Variants in KDM4C observed in about 807,000 individuals in gnomAD.
KDM4C encodes lysine demethylase 4C, also known as lysine-specific demethylase 4C.
In KDM4C, 81 loss-of-function variants were observed where a neutral mutation model predicts 129.3. That is an observed-to-expected ratio of 0.63 (90% CI 0.52 to 0.75). KDM4C has a LOEUF of 0.75. Among genes scored for constraint, KDM4C ranks in the 30% least tolerant of loss-of-function variants. The pLI, the probability that KDM4C is intolerant of heterozygous loss-of-function variation, is 0.00. For synonymous variants in KDM4C, 573 were observed against 456.1 expected, an observed-to-expected ratio of 1.26 and a Z score of -3.26; for missense variants, 1,457 against 1,304.0, an observed-to-expected ratio of 1.12 and a Z score of -1.81.
intron 17 of KDM4C, among the ~76,000 whole-genome samples, chr9:7,058,428 G>T (rs1435030864): frequency 6.6e-6 from 1 of 152,188 alleles, no homozygotes; most frequent in Non-Finnish European, 1.5e-5. Flanking sequence ...TTCATTGGTT[G>T]AAATATTCTC....
intron 15 of KDM4C, among the ~76,000 whole-genome samples, chr9:7,026,679 C>T (rs1360041753): frequency 6.6e-6 from 1 of 152,070 alleles, no homozygotes; most frequent in Non-Finnish European, 1.5e-5. Context: ...CAACTTTCTA[C>T]CCTCATCTGT....
intron 8 of KDM4C, among the ~76,000 whole-genome samples, chr9:6,966,491 A>T (rs1441631268): frequency 6.6e-6 from 1 of 152,226 alleles, no homozygotes; most frequent in Non-Finnish European, 1.5e-5. Flanking sequence ...ACTTTTATGT[A>T]ACATTTTACT....
rs148438565 is a variant in KDM4C at position 6,834,896 on chromosome 9, A to G, written c.436-14611A>G. 8.4e-5 allele frequency: 106 copies of G among 1,258,396 alleles called. No individual in the cohort carries two copies. In the East Asian group the frequency reaches 2.4e-3, roughly 28 times the overall value. The allele number at this position is 1,258,396 out of a possible 1,614,324, so 78.0% of individuals were successfully genotyped here. The stretch of plus-strand genomic sequence containing the variant: ...GCTGTCCCTGTACTTCTTTGGCTGT[A>G]CCACTGGTACCGTGATGGACTCCGG... On this transcript the variant is annotated intron_variant, in intron 4 of 21. Transcript: ENST00000381309.
In KDM4C at chr9:6,839,066, A is replaced by G. The variant is rs115269363; in HGVS notation, c.436-10441A>G. Among the ~76,000 whole-genome samples the G allele has an allele frequency of 2.1e-3, 322 of 152,302 alleles. 3 individuals are homozygous for G. The highest frequency in any genetic ancestry group is 6.4e-3 in the African/African-American group (264 of 41,566). On this transcript the variant is annotated intron_variant, in intron 4 of 21. Transcript: ENST00000381309. ...AACTTCAAGGGCTTGTTCCAGCTGTATGAATTTGTGGCAGTATTTTACATT... is the reference window on the plus strand; with the variant it reads ...AACTTCAAGGGCTTGTTCCAGCTGTGTGAATTTGTGGCAGTATTTTACATT...
At chr9:6,956,321 A>G (rs1355245464) in intron 8 of KDM4C, among the ~76,000 whole-genome samples, 3 of 152,168 alleles carry the variant, frequency 2.0e-5, no homozygotes, top group African/African-American at 2.4e-5. Flanking sequence ...TGATGTGCTT[A>G]TTTCACATTG....
intron 20 of KDM4C, among the ~76,000 whole-genome samples, chr9:7,165,595 A>G (rs775853549): frequency 6.6e-6 from 1 of 152,238 alleles, no homozygotes; most frequent in South Asian, 2.1e-4. Flanking sequence ...TGTAAGGAAT[A>G]TGGTTCTGCC....
intron 3 of KDM4C, among the ~76,000 whole-genome samples, chr9:6,809,984 T>A (rs1830840983): frequency 6.6e-6 from 1 of 152,138 alleles, no homozygotes; most frequent in Non-Finnish European, 1.5e-5. Context: ...AGCGAGACCC[T>A]GTCTTGAAAA....
At chr9:6,849,460 G>A (rs1204242435) in intron 4 of KDM4C, 47 bp from the exon 5 acceptor site, 27 of 1,446,376 alleles carry the variant, frequency 1.9e-5, no homozygotes, top group Non-Finnish European at 2.3e-5. Context: ...ATCTTTCATG[G>A]TTTAGTAAGA....
chr9:7,005,064 T>C (rs986099272), intron 12 of KDM4C, among the ~76,000 whole-genome samples: 2 of 152,058 alleles, frequency 1.3e-5, no homozygotes, highest in Non-Finnish European at 2.9e-5. Context: ...TCAACACCAC[T>C]AGAAGGTAGT....
chr9:7,022,479 T>C (rs62534415), intron 15 of KDM4C, among the ~76,000 whole-genome samples: 24,547 of 152,072 alleles, frequency 0.16, 2,642 homozygotes, highest in South Asian at 0.4. Flanking sequence ...ATAGAAATGC[T>C]TCTGATTTTT....
chr9:6,833,711 G>A (rs1168040221), intron 4 of KDM4C, among the ~76,000 whole-genome samples: 2 of 152,192 alleles, frequency 1.3e-5, no homozygotes, highest in African/African-American at 2.4e-5. Flanking sequence ...CTGAATCAGT[G>A]TTAGCTGCTG....
At chr9:6,959,089 C>G (rs74468702) in intron 8 of KDM4C, among the ~76,000 whole-genome samples, 3,453 of 152,278 alleles carry the variant, frequency 0.023, 103 homozygotes, top group East Asian at 0.14. Context: ...TTTTCTCTTC[C>G]TTTTTCAGAG....
At chr9:7,009,710 G>A (rs2132121439) in intron 12 of KDM4C, among the ~76,000 whole-genome samples, 1 of 152,268 alleles carries the variant, frequency 6.6e-6, no homozygotes, top group South Asian at 2.1e-4. Context: ...TGACTATGTA[G>A]ATGCCATGCA....
intron 5 of KDM4C, among the ~76,000 whole-genome samples, chr9:6,853,034 T>C (rs2130213243): frequency 6.6e-6 from 1 of 152,128 alleles, no homozygotes; most frequent in Non-Finnish European, 1.5e-5. Flanking sequence ...GTTTTTTTTG[T>C]GTGTGTTTTT....
intron 17 of KDM4C, among the ~76,000 whole-genome samples, chr9:7,054,895 A>G (rs1260124915): frequency 2.6e-5 from 4 of 152,218 alleles, no homozygotes; most frequent in African/African-American, 7.2e-5. Flanking sequence ...TGTTGTATGA[A>G]TATTTAAATA....
intron 1 of KDM4C, among the ~76,000 whole-genome samples, chr9:6,760,457 A>G (rs1433533333): frequency 6.7e-6 from 1 of 150,248 alleles, no homozygotes; most frequent in African/African-American, 2.4e-5. Context: ...ATATATATAT[A>G]TATATATAAT....
chr9:6,940,044 T>A (rs1825646342), intron 8 of KDM4C, among the ~76,000 whole-genome samples: 1 of 132,106 alleles, frequency 7.6e-6, no homozygotes, highest in South Asian at 2.7e-4. Context: ...TTTCCTTCCT[T>A]CCCTCCTTCC....
intron 10 of KDM4C, 41 bp from the exon 11 acceptor site, chr9:6,986,303 A>G: frequency 7.3e-7 from 1 of 1,364,942 alleles, no homozygotes; most frequent in Non-Finnish European, 1.0e-6. Flanking sequence ...TAGTAGTAAT[A>G]CAGTGCATGA....
rs201267627 is a variant in KDM4C, at chr9:6,856,539, C to CGTGTGTGTGTGTGT, written c.629+6868_629+6881dup. On this transcript the variant is annotated intron_variant, in intron 5 of 21. Transcript: ENST00000381309. Reference sequence around the variant, plus strand: ...TTTTAGGCATATCTCTCTCTGTGTGCGTGTGTGTGTGTGTGTGTGTGTGTG... The same window carrying CGTGTGTGTGTGTGT: ...TTTTAGGCATATCTCTCTCTGTGTGCGTGTGTGTGTGTGTGTGTGTGTGTGTGTGTGTGTGTGTG... Among the ~76,000 whole-genome samples, 69 of 131,598 alleles carry CGTGTGTGTGTGTGT rather than the reference C, an allele frequency of 5.2e-4. 1 individual carries two copies. The East Asian group carries it at 9.6e-3, about 18-fold the overall frequency. 86.3% of individuals were successfully genotyped at this position (131,598 alleles called of 152,430 possible).
Sources: gnomAD v4.1 joint callset for allele counts (sites outside exome capture counted in the v4.1 genomes callset) on GRCh38, gnomAD v4.1.1 for gene constraint, MANE v1.5 for transcripts, NCBI Gene and HGNC (gene_info 2026-07-23, HGNC 2026-07-21) for gene names.